Variants in TMEM132B observed in about 807,000 individuals in gnomAD.
The protein encoded by TMEM132B is transmembrane protein 132B.
TMEM132B carries 18 observed loss-of-function variants against 90.8 expected under a neutral mutation model. The ratio of observed to expected loss-of-function variants is 0.20; its 90% CI spans 0.14 to 0.29. The LOEUF is 0.29. Ranked by LOEUF, TMEM132B falls within the 10% of genes least tolerant of loss-of-function variation. The pLI is 1.00. For missense variants in TMEM132B, 1,096 were observed against 1,326.8 expected, an observed-to-expected ratio of 0.83 and a Z score of 2.70; for synonymous variants, 504 against 523.3, an observed-to-expected ratio of 0.96 and a Z score of 0.50.
chr12:125,578,400 G>A (rs1052929784), intron 4 of TMEM132B, among the ~76,000 whole-genome samples: 1 of 152,116 alleles, frequency 6.6e-6, no homozygotes, highest in African/African-American at 2.4e-5. Context: ...TGCAAGATGT[G>A]TGTCCATGAA....
At chr12:125,232,705 C>G (rs1320197291) in intron 1 of TMEM132B, among the ~76,000 whole-genome samples, 1 of 151,906 alleles carries the variant, frequency 6.6e-6, no homozygotes, top group Non-Finnish European at 1.5e-5. Flanking sequence ...GTGTAAGTAG[C>G]TCTCATGTTT....
chr12:125,482,460 T>A (rs1882072638), intron 3 of TMEM132B, among the ~76,000 whole-genome samples: 1 of 152,202 alleles, frequency 6.6e-6, no homozygotes, highest in Non-Finnish European at 1.5e-5. Context: ...GAACAGACGC[T>A]TTTGAAAAGA....
intron 3 of TMEM132B, among the ~76,000 whole-genome samples, chr12:125,502,153 C>G (rs1042101588): frequency 6.6e-6 from 1 of 152,212 alleles, no homozygotes; most frequent in African/African-American, 2.4e-5. Flanking sequence ...TCCTTGTCCT[C>G]TGCCACTGAA....
intron 2 of TMEM132B, among the ~76,000 whole-genome samples, chr12:125,400,252 G>T (rs1879281557): frequency 6.6e-6 from 1 of 152,202 alleles, no homozygotes; most frequent in African/African-American, 2.4e-5. Flanking sequence ...CTTAGTATTT[G>T]ACTTTCTTAG....
intron 5 of TMEM132B, among the ~76,000 whole-genome samples, chr12:125,588,679 T>G (rs1207876986): frequency 6.6e-6 from 1 of 152,124 alleles, no homozygotes; most frequent in Non-Finnish European, 1.5e-5. Context: ...TAAAAAAATG[T>G]TTTCCTGGCA....
At chr12:125,594,276 A>C (rs1847241020) in intron 5 of TMEM132B, among the ~76,000 whole-genome samples, 1 of 152,194 alleles carries the variant, frequency 6.6e-6, no homozygotes, top group Non-Finnish European at 1.5e-5. Flanking sequence ...CCACTGTTTG[A>C]ATATATCACT....
In TMEM132B at chr12:125,299,868, A is replaced by G. The variant is rs373726362; in HGVS notation, c.68-49584A>G. Among the ~76,000 whole-genome samples the G allele has an allele frequency of 2.8e-4, 43 of 152,246 alleles. No homozygotes were observed. The East Asian group carries it at 5.2e-3, about 18-fold the overall frequency. On this transcript the variant is annotated intron_variant, in intron 1 of 8. Coordinates refer to ENST00000682704, the MANE Select transcript of TMEM132B (RefSeq NM_001366854.1). ...CCCCCACTTGCCCTGCTGTCTGTCC[A>G]CACAGAGCTTGTGGGGTTCTGTAAG...
intron 3 of TMEM132B, among the ~76,000 whole-genome samples, chr12:125,485,297 A>G (rs1259081176): frequency 6.6e-6 from 1 of 152,170 alleles, no homozygotes; most frequent in Non-Finnish European, 1.5e-5. Context: ...TGATGGTGAA[A>G]TGAGTCCCAT....
chr12:125,295,107 A>G (rs1006448383), intron 1 of TMEM132B, among the ~76,000 whole-genome samples: 1 of 152,242 alleles, frequency 6.6e-6, no homozygotes, highest in Admixed American at 6.5e-5. Context: ...AAAGTTAACG[A>G]GAGTCAGCCA....
intron 1 of TMEM132B, among the ~76,000 whole-genome samples, chr12:125,296,397 C>T (rs1444288950): frequency 6.6e-6 from 1 of 152,206 alleles, no homozygotes; most frequent in African/African-American, 2.4e-5. Flanking sequence ...GCCCAGATCC[C>T]GTCTTCCCAG....
chr12:125,512,615 T>C (rs1164765835), intron 3 of TMEM132B, among the ~76,000 whole-genome samples: 1 of 152,156 alleles, frequency 6.6e-6, no homozygotes, highest in Non-Finnish European at 1.5e-5. Context: ...AGAGAATGTT[T>C]TGAGTCCTAA....
chr12:125,259,173 T>C (rs1392189779), intron 1 of TMEM132B, among the ~76,000 whole-genome samples: 3 of 152,228 alleles, frequency 2.0e-5, no homozygotes, highest in Non-Finnish European at 2.9e-5. Context: ...CTCTTCTGCA[T>C]GTAGTTGCTT....
At position 125,651,668 on chromosome 12, in the gene TMEM132B, CA is replaced by C. The variant is rs769921200; in HGVS notation, c.1914+716del. Among the ~76,000 whole-genome samples the C allele has an allele frequency of 1.1e-4, 16 of 152,288 alleles. No individual in the cohort carries two copies. In the East Asian group the frequency reaches 1.4e-3, roughly 13 times the overall value. On this transcript the variant is annotated intron_variant, in intron 7 of 8. Transcript: ENST00000682704. ...ACCCGTTAGTCAGCTAATATTTCTG[CA>C]GGTCAGGCATCTGTGTGGGCCTGCT...
intron 2 of TMEM132B, among the ~76,000 whole-genome samples, chr12:125,410,891 GGAGT>G (rs1456477859): frequency 4.1e-5 from 1 of 24,572 alleles, no homozygotes; most frequent in African/African-American, 3.1e-4. Flanking sequence ...GGAGTGGAGT[GGAGT>G]GAGTGAGTGG....
chr12:125,514,007 G>A (rs942318670), intron 3 of TMEM132B, among the ~76,000 whole-genome samples: 1 of 152,134 alleles, frequency 6.6e-6, no homozygotes, highest in Non-Finnish European at 1.5e-5. Context: ...AGTGAATAAT[G>A]TGCCAGGAAC....
chr12:125,565,717 GCTT>G (rs1884643541), intron 4 of TMEM132B, among the ~76,000 whole-genome samples: 2 of 152,180 alleles, frequency 1.3e-5, no homozygotes, highest in South Asian at 2.1e-4. Context: ...GCACACAGAT[GCTT>G]CTTCTCTTTT....
intron 2 of TMEM132B, among the ~76,000 whole-genome samples, chr12:125,399,023 C>G (rs1011514268): frequency 6.6e-6 from 1 of 152,196 alleles, no homozygotes. Flanking sequence ...AGGCTGCCCT[C>G]TGTTCCTAGA....
chr12:125,308,661 A>G (rs1250284467), intron 1 of TMEM132B, among the ~76,000 whole-genome samples: 1 of 152,200 alleles, frequency 6.6e-6, no homozygotes, highest in Non-Finnish European at 1.5e-5. Context: ...GAATAAAAAA[A>G]GTGAAAAGTA....
rs149906695 is a variant in TMEM132B at position 125,451,907 on chromosome 12, T to A, written c.1106+36230T>A. On this transcript the variant is annotated intron_variant, in intron 3 of 8. Transcript: ENST00000682704. ...TGTTCAGGGACTGACTGTCCATGTC[T>A]GATTCACTCTTATTCCCATGGTGTG... Among the ~76,000 whole-genome samples the A allele has an allele frequency of 1.8e-3, 276 of 152,364 alleles. 2 individuals are homozygous for A. Among genetic ancestry groups the A allele is most frequent in the African/African-American group, 6.0e-3 (250 of 41,588 alleles).
Sources: allele counts gnomAD v4.1 joint callset (sites outside exome capture counted in the v4.1 genomes callset), GRCh38; gene constraint gnomAD v4.1.1; transcripts MANE v1.5; gene names NCBI Gene and HGNC (gene_info 2026-07-23, HGNC 2026-07-21).